CLPB: variants seen among roughly 807,000 people sequenced by gnomAD.
CLPB encodes the protein mitochondrial disaggregase.
CLPB carries 40 observed loss-of-function variants against 78.4 expected under a neutral mutation model. The ratio of observed to expected loss-of-function variants is 0.51; its 90% CI spans 0.40 to 0.66. The LOEUF is 0.66. Ranked by LOEUF, CLPB falls within the 30% of genes least tolerant of loss-of-function variation. CLPB has a pLI of 0.00. For missense variants in CLPB, 780 were observed against 886.9 expected, an observed-to-expected ratio of 0.88 and a Z score of 1.53; for synonymous variants, 333 against 348.0, an observed-to-expected ratio of 0.96 and a Z score of 0.48.
At position 72,293,274 on chromosome 11, in the gene CLPB, G is replaced by C; in HGVS notation, c.*93C>G. 6.8e-7 allele frequency: 1 copy of C among 1,470,130 alleles called. No homozygotes were observed. Among genetic ancestry groups the C allele is most frequent in the Non-Finnish European group, 9.3e-7 (1 of 1,072,162 alleles). 91.1% of individuals were successfully genotyped at this position (1,470,130 alleles called of 1,614,324 possible). A position where few individuals can be genotyped will look rare whatever the true frequency, so the allele number is the denominator to read the frequency against. On this transcript the variant is annotated 3_prime_UTR_variant, in exon 16 of 16. Transcript: ENST00000538039. Reference sequence around the variant, plus strand: ...CAGGCCTGAGACTGGGTAGAGATGGGAGCGGCATGAGGGGAAGGTAAGTCA... The same window carrying C: ...CAGGCCTGAGACTGGGTAGAGATGGCAGCGGCATGAGGGGAAGGTAAGTCA...
intron 6 of CLPB, among the ~76,000 whole-genome samples, chr11:72,321,166 C>T (rs980870694): frequency 5.3e-5 from 8 of 152,074 alleles, no homozygotes; most frequent in Non-Finnish European, 8.8e-5. Flanking sequence ...ACTATTGTTC[C>T]TGTCTTTGAG....
At chr11:72,293,963 T>TG in intron 15 of CLPB, 59 bp downstream of exon 15, 10 of 1,450,962 alleles carry the variant, frequency 6.9e-6, no homozygotes, top group African/African-American at 1.4e-5. Context: ...GGACTGGGTC[T>TG]GGGGGGCCCT....
chr11:72,429,151 C>T (rs879485695), intron 2 of CLPB: 1 of 152,196 alleles, frequency 6.6e-6, no homozygotes, highest in Non-Finnish European at 1.5e-5. Flanking sequence ...TTATGAATGG[C>T]TCTTATAACA....
At chr11:72,318,004 G>A (rs146286763) in intron 6 of CLPB, among the ~76,000 whole-genome samples, 3 of 152,364 alleles carry the variant, frequency 2.0e-5, no homozygotes, top group African/African-American at 7.2e-5. Flanking sequence ...CAAATACTTC[G>A]CAACCATTTT....
chr11:72,407,427 G>A (rs990444305), intron 2 of CLPB, among the ~76,000 whole-genome samples: 2 of 152,104 alleles, frequency 1.3e-5, no homozygotes, highest in Non-Finnish European at 2.9e-5. Flanking sequence ...TAACAATTTT[G>A]AGCTATTTGT....
intron 2 of CLPB, among the ~76,000 whole-genome samples, chr11:72,403,547 T>C (rs1855624598): frequency 6.6e-6 from 1 of 152,208 alleles, no homozygotes. Flanking sequence ...CTTCCTTAAT[T>C]TCCCAATGCT....
At position 72,416,693 on chromosome 11, in the gene CLPB, G is replaced by A. The variant is rs1028428707; in HGVS notation, c.455+13619C>T. ...AGAGGTTGGATTGAGCCAAGATCGC[G>A]CCACTGCATTCCAGCCTGGATGACA... On this transcript the variant is annotated intron_variant, in intron 2 of 15. Coordinates refer to ENST00000538039, the MANE Select transcript of CLPB (RefSeq NM_001258392.3). Among the ~76,000 whole-genome samples, 4 of 138,104 alleles carry A rather than the reference G, an allele frequency of 2.9e-5. 1 individual carries two copies. Among genetic ancestry groups the A allele is most frequent in the African/African-American group, 1.1e-4 (4 of 36,290 alleles). 90.6% of individuals were successfully genotyped at this position (138,104 alleles called of 152,430 possible).
At chr11:72,359,998 G>T (rs1384652133) in intron 4 of CLPB, among the ~76,000 whole-genome samples, 1 of 152,158 alleles carries the variant, frequency 6.6e-6, no homozygotes, top group Admixed American at 6.5e-5. Context: ...TTCTTCTGCT[G>T]TTATAGACAG....
intron 9 of CLPB, 119 bp downstream of exon 9, chr11:72,307,080 G>A (rs536718379): frequency 1.1e-6 from 1 of 874,558 alleles, no homozygotes; most frequent in Admixed American, 2.3e-5. Context: ...TCTGCTTCCT[G>A]GGTCAGGGCC....
chr11:72,394,813 C>A (rs567757746), intron 3 of CLPB, among the ~76,000 whole-genome samples: 1 of 152,290 alleles, frequency 6.6e-6, no homozygotes. Flanking sequence ...GCATTCTGGG[C>A]ACTTGGCCAG....
intron 11 of CLPB, among the ~76,000 whole-genome samples, chr11:72,301,505 G>A (rs1025362316): frequency 2.6e-5 from 4 of 152,116 alleles, no homozygotes; most frequent in Non-Finnish European, 1.5e-5. Flanking sequence ...AGCAGAGCTG[G>A]AACTAAAAAT....
At position 72,328,977 on chromosome 11, in the gene CLPB, C is replaced by T. The variant is rs141280747; in HGVS notation, c.873+730G>A. ...TCTAGTCCATCTCTCTCCTTCAACT[C>T]GAACAACTCAATTTTCCTCTGATTT... On this transcript the variant is annotated intron_variant, in intron 6 of 15. Coordinates refer to ENST00000538039, the MANE Select transcript of CLPB (RefSeq NM_001258392.3). 2.2e-4 allele frequency among the ~76,000 whole-genome samples: 33 copies of T among 152,288 alleles called. 1 individual carries two copies. In the East Asian group the frequency reaches 6.4e-3, roughly 29 times the overall value.
chr11:72,411,747 G>A (rs1273779991), intron 2 of CLPB: 1 of 152,194 alleles, frequency 6.6e-6, no homozygotes, highest in African/African-American at 2.4e-5. Context: ...TCTTTCTTTA[G>A]GACCAATCAA....
chr11:72,419,808 C>G (rs887441572), intron 2 of CLPB, among the ~76,000 whole-genome samples: 3 of 152,188 alleles, frequency 2.0e-5, no homozygotes, highest in African/African-American at 7.2e-5. Context: ...TGTGTCCTTC[C>G]TTTGCAGCAT....
At chr11:72,315,332 C>CT (rs1949922827) in intron 7 of CLPB, among the ~76,000 whole-genome samples, 1 of 152,162 alleles carries the variant, frequency 6.6e-6, no homozygotes, top group African/African-American at 2.4e-5. Context: ...GCTGAGCTCC[C>CT]AGGAAGTCTG....
intron 2 of CLPB, among the ~76,000 whole-genome samples, chr11:72,408,898 TGA>T (rs1855793596): frequency 6.6e-6 from 1 of 152,216 alleles, no homozygotes; most frequent in Non-Finnish European, 1.5e-5. Context: ...GGCTGCCCGC[TGA>T]GAGAGGCTGA....
At chr11:72,331,627 T>A (rs963439912) in intron 5 of CLPB, among the ~76,000 whole-genome samples, 2 of 135,120 alleles carry the variant, frequency 1.5e-5, no homozygotes, top group African/African-American at 5.6e-5. Context: ...CAGGCTGGAG[T>A]GCAGTGGCGT....
chr11:72,298,646 T>C (rs1949600822), intron 11 of CLPB, among the ~76,000 whole-genome samples: 1 of 152,208 alleles, frequency 6.6e-6, no homozygotes, highest in Non-Finnish European at 1.5e-5. Flanking sequence ...TACAGGCACA[T>C]GTCACTATGC....
chr11:72,352,066 C>G (rs1950624060), intron 5 of CLPB, among the ~76,000 whole-genome samples: 1 of 152,168 alleles, frequency 6.6e-6, no homozygotes, highest in Admixed American at 6.5e-5. Flanking sequence ...AGGTTAAGCA[C>G]TACCCTGACT....
Sources: allele counts gnomAD v4.1 joint callset (sites outside exome capture counted in the v4.1 genomes callset), GRCh38; gene constraint gnomAD v4.1.1; transcripts MANE v1.5; gene names NCBI Gene and HGNC (gene_info 2026-07-23, HGNC 2026-07-21).